The following DHRSX variants were observed in gnomAD, a reference collection of about 807,000 sequenced individuals.
The protein encoded by DHRSX is polyprenol dehydrogenase.
A neutral mutation model predicts 34.0 loss-of-function variants in DHRSX; 31 were observed. The ratio of observed to expected loss-of-function variants is 0.91; its 90% CI spans 0.69 to 1.23. DHRSX has a LOEUF of 1.23. Ranked by LOEUF, DHRSX falls within the 50% of genes most tolerant of loss-of-function variation. The probability of loss-of-function intolerance (pLI) is 0.00; values close to 1 mark genes in which losing one functional copy is unlikely to be tolerated. For synonymous variants in DHRSX, 201 were observed against 183.8 expected (o/e 1.09, Z -0.76); for missense variants, 414 against 428.1 (o/e 0.97, Z 0.29).
intron 1 of DHRSX, among the ~76,000 whole-genome samples, chrX:2,435,060 AGG>A (rs1345378301): frequency 8.1e-6 from 1 of 124,130 alleles, no homozygotes; most frequent in East Asian, 1.9e-4. Context: ...GGTTCAGGAC[AGG>A]AGAGGAGGTT....
At chrX:2,233,195 G>A (rs1489162832) in intron 6 of DHRSX, among the ~76,000 whole-genome samples, 2 of 152,114 alleles carry the variant, frequency 1.3e-5, no homozygotes, top group Non-Finnish European at 2.9e-5. Context: ...TTCATTATCT[G>A]CCGCTGTGCA....
At chrX:2,310,842 C>T (rs1041526219) in intron 3 of DHRSX, among the ~76,000 whole-genome samples, 10 of 151,816 alleles carry the variant, frequency 6.6e-5, no homozygotes, top group Admixed American at 6.6e-4. Context: ...GGGTGGATCG[C>T]CTGATGTCAG....
intron 1 of DHRSX, among the ~76,000 whole-genome samples, chrX:2,477,878 G>A (rs187140285): frequency 0.14 from 19,799 of 137,872 alleles, no homozygotes; most frequent in African/African-American, 0.28. Flanking sequence ...AATGAAAGGT[G>A]CACAGAGGCA....
intron 3 of DHRSX, among the ~76,000 whole-genome samples, chrX:2,404,073 G>C (rs911831203): frequency 2.0e-5 from 3 of 152,162 alleles, no homozygotes; most frequent in Non-Finnish European, 2.9e-5. Context: ...TGCCTCACTT[G>C]TCAGTTTCCA....
intron 6 of DHRSX, among the ~76,000 whole-genome samples, chrX:2,231,850 CCCT>C (rs760916313): frequency 1.4e-5 from 2 of 146,308 alleles, no homozygotes; most frequent in African/African-American, 2.5e-5. Context: ...CTCATTTTCT[CCCT>C]CTTCTTCCTC....
intron 2 of DHRSX, among the ~76,000 whole-genome samples, chrX:2,418,287 G>A (rs1403665901): frequency 6.6e-6 from 1 of 151,998 alleles, no homozygotes; most frequent in Admixed American, 6.5e-5. Flanking sequence ...ACTTCATCAT[G>A]ACATAACCAA....
chrX:2,490,195 C>A, intron 1 of DHRSX: 1 of 1,614,032 alleles, frequency 6.2e-7, no homozygotes, highest in South Asian at 1.1e-5. Flanking sequence ...CCCCGTACTT[C>A]TCAGGGATGG....
At chrX:2,458,125 G>A (rs1313643563) in intron 1 of DHRSX, among the ~76,000 whole-genome samples, 1 of 152,058 alleles carries the variant, frequency 6.6e-6, no homozygotes, top group Non-Finnish European at 1.5e-5. Flanking sequence ...ATGTGGCTAA[G>A]GGACTGCTGC....
intron 5 of DHRSX, among the ~76,000 whole-genome samples, chrX:2,245,492 T>C (rs925025490): frequency 1.3e-5 from 2 of 151,446 alleles, no homozygotes; most frequent in African/African-American, 4.8e-5. Flanking sequence ...GTATTTTTAG[T>C]AGACATGGGG....
At chrX:2,405,903 TAA>T (rs771086694) in intron 3 of DHRSX, among the ~76,000 whole-genome samples, 2 of 84,174 alleles carry the variant, frequency 2.4e-5, no homozygotes, top group Non-Finnish European at 5.2e-5. Context: ...GATGTGCATT[TAA>T]AAAAAAAAAA....
chrX:2,450,948 C>A (rs1291914574), intron 1 of DHRSX, among the ~76,000 whole-genome samples: 1 of 152,020 alleles, frequency 6.6e-6, no homozygotes, highest in East Asian at 1.9e-4. Context: ...CCCCAGAGAG[C>A]TCCCTCGCCC....
At chrX:2,276,975 T>TA (rs1471909241) in intron 4 of DHRSX, among the ~76,000 whole-genome samples, 5 of 4,802 alleles carry the variant, frequency 1.0e-3, no homozygotes, top group Admixed American at 2.3e-3. Context: ...GAGGAGGAAA[T>TA]GGGGGAAGAG....
chrX:2,417,617 C>G (rs186598114), intron 2 of DHRSX, among the ~76,000 whole-genome samples: 1 of 151,692 alleles, frequency 6.6e-6, no homozygotes. Flanking sequence ...CCCAACTAGA[C>G]GTCAATGTGA....
chrX:2,355,090 T>C lies in DHRSX; in HGVS notation c.286+53655A>G, dbSNP rs140393759. On this transcript the variant is annotated intron_variant, in intron 3 of 6. Coordinates refer to ENST00000334651, the MANE Select transcript of DHRSX (RefSeq NM_145177.3). ...ACCACTAATCCTTCACTATCTCAAT[T>C]ATAGCAAGAAATAGGTTGGAAGGAA... Among the ~76,000 whole-genome samples the C allele has an allele frequency of 3.1e-3, 469 of 152,226 alleles. 4 individuals are homozygous for C. The highest frequency in any genetic ancestry group is 0.01 in the African/African-American group (422 of 41,534).
At chrX:2,260,525 T>A (rs1234294476) in intron 5 of DHRSX, among the ~76,000 whole-genome samples, 1 of 151,746 alleles carries the variant, frequency 6.6e-6, no homozygotes, top group Non-Finnish European at 1.5e-5. Flanking sequence ...AATGGCACGA[T>A]CTCAGCTCAC....
intron 3 of DHRSX, among the ~76,000 whole-genome samples, chrX:2,333,921 T>G (rs2042516214): frequency 6.6e-6 from 1 of 152,128 alleles, no homozygotes; most frequent in African/African-American, 2.4e-5. Flanking sequence ...CAAAAAATAA[T>G]AAGATCTTGT....
chrX:2,303,136 T>G (rs2042033109), intron 3 of DHRSX, among the ~76,000 whole-genome samples: 1 of 152,196 alleles, frequency 6.6e-6, no homozygotes, highest in African/African-American at 2.4e-5. Context: ...GAATGGATTT[T>G]TTTTAAAAAA....
intron 5 of DHRSX, among the ~76,000 whole-genome samples, chrX:2,258,254 G>C (rs990752401): frequency 1.6e-4 from 24 of 152,116 alleles, no homozygotes; most frequent in African/African-American, 5.5e-4. Context: ...AAGAAGAGGA[G>C]ATGAGGACAC....
intron 5 of DHRSX, among the ~76,000 whole-genome samples, chrX:2,265,747 A>T (rs2041451101): frequency 7.0e-6 from 1 of 143,502 alleles, no homozygotes; most frequent in Admixed American, 6.9e-5. Context: ...CATTGTCCCC[A>T]GAGCACCAGT....
Sources: allele counts gnomAD v4.1 joint callset (sites outside exome capture counted in the v4.1 genomes callset), GRCh38; gene constraint gnomAD v4.1.1; transcripts MANE v1.5; gene names NCBI Gene and HGNC (gene_info 2026-07-23, HGNC 2026-07-21).